Variants in DKK4 observed in about 807,000 individuals in gnomAD.
DKK4 encodes dickkopf Wnt signaling pathway inhibitor 4.
DKK4 carries 15 observed loss-of-function variants against 14.5 expected under a neutral mutation model. The observed-to-expected ratio is 1.03, with a 90% CI of 0.69 to 1.59. DKK4 has a LOEUF of 1.59. Ranked by LOEUF, DKK4 falls within the 40% of genes most tolerant of loss-of-function variation. The probability of loss-of-function intolerance (pLI) is 0.00; values close to 1 mark genes in which losing one functional copy is unlikely to be tolerated. For missense variants in DKK4, 272 were observed against 280.3 expected, an observed-to-expected ratio of 0.97 and a Z score of 0.21; for synonymous variants, 89 against 105.2, an observed-to-expected ratio of 0.85 and a Z score of 0.94.
the DKK4 span, among the ~76,000 whole-genome samples, chr8:42,383,476 G>A: frequency 1.1e-4 from 16 of 152,248 alleles, no homozygotes; most frequent in Admixed American, 9.8e-4. Flanking sequence ...TTCCATGCAC[G>A]TGGCCCACGC....
At chr8:42,389,609 G>C in the DKK4 span, among the ~76,000 whole-genome samples, 1 of 152,166 alleles carries the variant, frequency 6.6e-6, no homozygotes, top group Non-Finnish European at 1.5e-5. Flanking sequence ...ACTTGGTATT[G>C]TGTACTGTGG....
At chr8:42,378,297 C>A (rs1413217702), upstream of DKK4, among the ~76,000 whole-genome samples, 1 of 152,158 alleles carries the variant, frequency 6.6e-6, no homozygotes, top group African/African-American at 2.4e-5. Context: ...TTATTATTTA[C>A]TACATTTTCC....
chr8:42,380,096 G>A (rs1824645483), upstream of DKK4, among the ~76,000 whole-genome samples: 1 of 152,152 alleles, frequency 6.6e-6, no homozygotes, highest in African/African-American at 2.4e-5. Flanking sequence ...TACTTGGGAA[G>A]GTGAGATGGG....
At chr8:42,388,687 C>G in the DKK4 span, among the ~76,000 whole-genome samples, 2 of 151,922 alleles carry the variant, frequency 1.3e-5, no homozygotes, top group East Asian at 3.9e-4. Flanking sequence ...TCTCCTCCCT[C>G]AGCCTCCCGA....
Position 42,377,134 on chromosome 8 carries a change from C to A in DKK4, c.-89G>T. 9.6e-7 allele frequency: 1 copy of A among 1,040,464 alleles called. No homozygotes were observed. Among genetic ancestry groups the A allele is most frequent in the East Asian group, 2.6e-5 (1 of 38,974 alleles). 64.5% of individuals were successfully genotyped at this position (1,040,464 alleles called of 1,614,324 possible). ...CACCCAGAGCAGAGCTTCCACTAAG[C>A]TGGCAGCTCAGCACGTCGTCTGTTT... On this transcript the variant is annotated 5_prime_UTR_variant, in exon 1 of 4. Coordinates refer to ENST00000220812, the MANE Select transcript of DKK4 (RefSeq NM_014420.3).
At chr8:42,379,250 CA>C (rs527559485), upstream of DKK4, among the ~76,000 whole-genome samples, 10,606 of 116,724 alleles carry the variant, frequency 0.091, 776 homozygotes, top group African/African-American at 0.21. Context: ...GACTCCATCT[CA>C]AAAAAAAAAA....
At chr8:42,378,909 C>T (rs959094687), upstream of DKK4, among the ~76,000 whole-genome samples, 4 of 133,054 alleles carry the variant, frequency 3.0e-5, no homozygotes, top group East Asian at 2.2e-4. Flanking sequence ...GAGTTCAAGA[C>T]GAGCCTGGGC....
the DKK4 span, among the ~76,000 whole-genome samples, chr8:42,386,525 T>G: frequency 2.0e-5 from 3 of 152,190 alleles, no homozygotes; most frequent in African/African-American, 7.2e-5. Context: ...GGTGTCTCAC[T>G]GTGTCACCCA....
At chr8:42,375,553 C>T (rs1824540520) in intron 2 of DKK4, 127 bp downstream of exon 2, 1 of 1,173,010 alleles carries the variant, frequency 8.5e-7, no homozygotes, top group Non-Finnish European at 1.2e-6. Context: ...AAGGCAGCTG[C>T]ATACATTTAC....
At chr8:42,388,482 A>G in the DKK4 span, among the ~76,000 whole-genome samples, 3 of 150,066 alleles carry the variant, frequency 2.0e-5, no homozygotes, top group Non-Finnish European at 4.4e-5. Flanking sequence ...CACCCGCCCG[A>G]GCCTCCCAAA....
chr8:42,380,500 GAAGGAAGAA>G (rs1824652872), upstream of DKK4, among the ~76,000 whole-genome samples: 2 of 126,568 alleles, frequency 1.6e-5, no homozygotes, highest in South Asian at 5.1e-4. Context: ...AGAGAGAAAG[GAAGGAAGAA>G]AAGAAAAGAA....
At position 42,374,881 on chromosome 8, in the gene DKK4, T is replaced by C. The variant is rs773096159; in HGVS notation, c.295A>G (p.Ile99Val). Residue 99 changes from isoleucine to valine, a missense_variant, in exon 3 of 4, where the codon ATA becomes GTA. Coordinates refer to ENST00000220812, the MANE Select transcript of DKK4 (RefSeq NM_014420.3). ...VCTTMEDATP[I>V]LERQLDEQDG... is the part of the protein sequence containing the mutation. ...TGCTCATCAAGCTGCCTTTCTAATA[T>C]TGGGGTTGCATCTTCCATCGTAGTA... is the stretch of plus-strand genomic sequence containing the variant. 7 of 1,614,124 alleles carry C rather than the reference T, an allele frequency of 4.3e-6. No homozygotes were observed. The highest frequency in any genetic ancestry group is 1.1e-5 in the South Asian group (1 of 91,086).
chr8:42,377,578 T>G (rs957525592), upstream of DKK4, among the ~76,000 whole-genome samples: 5 of 152,150 alleles, frequency 3.3e-5, no homozygotes, highest in Non-Finnish European at 7.4e-5. Context: ...CAGCTAATTG[T>G]GCTCAAAGAA....
the DKK4 span, among the ~76,000 whole-genome samples, chr8:42,388,598 G>T: frequency 6.6e-6 from 1 of 151,706 alleles, no homozygotes; most frequent in Non-Finnish European, 1.5e-5. Context: ...TTGAGACGGA[G>T]TCTCACTCTG....
Position 42,375,334 on chromosome 8 carries a change from A to G in DKK4, c.262+346T>C, listed in dbSNP as rs537348503. Among the ~76,000 whole-genome samples the G allele has an allele frequency of 8.5e-5, 13 of 152,260 alleles. 1 individual carries two copies. In the South Asian group the frequency reaches 2.7e-3, roughly 32 times the overall value. Reference sequence around the variant, plus strand: ...GGTAGGTGGATCACCTGAGGTCAGAAGTTCGAGACTAGCCTGACCAACATG... The same window carrying G: ...GGTAGGTGGATCACCTGAGGTCAGAGGTTCGAGACTAGCCTGACCAACATG... On this transcript the variant is annotated intron_variant, in intron 2 of 3. Coordinates refer to ENST00000220812, the MANE Select transcript of DKK4 (RefSeq NM_014420.3).
At chr8:42,381,390 G>C (rs773462053), upstream of DKK4, among the ~76,000 whole-genome samples, 13 of 152,190 alleles carry the variant, frequency 8.5e-5, no homozygotes, top group Non-Finnish European at 1.5e-4. Flanking sequence ...TATAAGAGTA[G>C]CCATTGTGTC....
In DKK4 at chr8:42,374,194, C is replaced by CA; in HGVS notation, c.580dup (p.Cys194LeufsTer37). ...ACACAGTAGTCCAGGGCCACAGTCG[C>CA]AACGCTGGAAGATTTCTGGAGCTTG... On this transcript the variant is annotated frameshift_variant, in exon 4 of 4. Coordinates refer to ENST00000220812, the MANE Select transcript of DKK4 (RefSeq NM_014420.3). LOFTEE classifies it low-confidence loss of function (END_TRUNC). The CA allele has an allele frequency of 6.2e-7, 1 of 1,613,280 alleles. No individual in the cohort carries two copies. The highest frequency in any genetic ancestry group is 8.5e-7 in the Non-Finnish European group (1 of 1,179,900).
At chr8:42,380,881 GAA>G (rs1419700088), upstream of DKK4, among the ~76,000 whole-genome samples, 318 of 150,276 alleles carry the variant, frequency 2.1e-3, 1 homozygote, top group African/African-American at 7.4e-3. Flanking sequence ...GAAGGAGAAA[GAA>G]AGAGAGAGAA....
At chr8:42,389,404 C>G in the DKK4 span, among the ~76,000 whole-genome samples, 5 of 152,238 alleles carry the variant, frequency 3.3e-5, no homozygotes, top group African/African-American at 1.2e-4. Flanking sequence ...GACTCCTAAG[C>G]TCACTTTATT....
Sources: gnomAD v4.1 joint callset for allele counts (sites outside exome capture counted in the v4.1 genomes callset) on GRCh38, gnomAD v4.1.1 for gene constraint, MANE v1.5 for transcripts, NCBI Gene and HGNC (gene_info 2026-07-23, HGNC 2026-07-21) for gene names.